Variants in MPPED1 observed in about 807,000 individuals in gnomAD.
MPPED1 encodes the protein metallophosphoesterase domain-containing protein 1.
MPPED1 carries 16 observed loss-of-function variants against 36.2 expected under a neutral mutation model. The ratio of observed to expected loss-of-function variants is 0.44; its 90% CI spans 0.30 to 0.67. The LOEUF is 0.67. MPPED1 is among the 30% of genes least tolerant of loss of function. The pLI is 0.10. For synonymous variants in MPPED1, 199 were observed against 191.3 expected (o/e 1.04, Z -0.33); for missense variants, 307 against 453.4 (o/e 0.68, Z 2.93).
rs143600181 is a variant in MPPED1 at position 43,420,069 on chromosome 22, C to G, written c.-78-4839C>G. On this transcript the variant is annotated intron_variant, in intron 1 of 6. Coordinates refer to ENST00000443721, the MANE Select transcript of MPPED1 (RefSeq NM_001044370.2). ...AGTCTCCCACTCTGGGTTCACTGGG[C>G]CTTTATGGGCAGGTACAAGGTTTGT... Among the ~76,000 whole-genome samples the G allele has an allele frequency of 2.0e-5, 3 of 152,222 alleles. No homozygotes were observed. The East Asian group carries it at 5.8e-4, about 29-fold the overall frequency.
chr22:43,502,632 C>T lies in MPPED1; in HGVS notation c.749-12C>T, dbSNP rs1226068826. On this transcript the variant is annotated splice_polypyrimidine_tract_variant and intron_variant, in intron 5 of 6. Transcript: ENST00000443721. The surrounding 1 kb of genome is among the most constrained non-coding windows in gnomAD (Gnocchi z 5.5). Reference sequence around the variant, plus strand: ...ACCGCGTCATGGCCTCCTGTTGTCTCCCCCATACCAGGCTTCCTGGACTGG... The same window carrying T: ...ACCGCGTCATGGCCTCCTGTTGTCTTCCCCATACCAGGCTTCCTGGACTGG... The T allele has an allele frequency of 6.2e-7, 1 of 1,609,604 alleles. No individual in the cohort carries two copies. Among genetic ancestry groups the T allele is most frequent in the Non-Finnish European group, 8.5e-7 (1 of 1,176,698 alleles).
intron 5 of MPPED1, among the ~76,000 whole-genome samples, chr22:43,498,759 C>A (rs905371018): frequency 1.8e-4 from 28 of 152,072 alleles, no homozygotes; most frequent in Non-Finnish European, 2.8e-4. Flanking sequence ...CCCAACATCC[C>A]CAGGGCCTGT....
intron 3 of MPPED1, among the ~76,000 whole-genome samples, chr22:43,464,198 C>T (rs970643610): frequency 3.9e-5 from 6 of 151,952 alleles, no homozygotes; most frequent in Admixed American, 6.6e-5. Context: ...TGTGAGCCAC[C>T]GCACCTGGCC....
rs1214942540 is a variant in MPPED1 at position 43,486,880 on chromosome 22, G to C, written c.633-11355G>C. Among the ~76,000 whole-genome samples the C allele has an allele frequency of 2.6e-5, 4 of 152,112 alleles. No homozygotes were observed. In the South Asian group the frequency reaches 6.2e-4, roughly 24 times the overall value. On this transcript the variant is annotated intron_variant, in intron 4 of 6. Coordinates refer to ENST00000443721, the MANE Select transcript of MPPED1 (RefSeq NM_001044370.2). ...GTCTCCGGTGCAGGTTCATGGGAGA[G>C]GGAGAGAGAATGGGACACTCAGCAG...
intron 3 of MPPED1, among the ~76,000 whole-genome samples, chr22:43,443,023 C>T (rs1930205576): frequency 1.3e-5 from 2 of 152,172 alleles, no homozygotes; most frequent in South Asian, 4.1e-4. Flanking sequence ...CAGGATTGTC[C>T]CTGCCTGGGT....
intron 4 of MPPED1, among the ~76,000 whole-genome samples, chr22:43,482,830 C>A (rs542135986): frequency 6.6e-6 from 1 of 152,356 alleles, no homozygotes; most frequent in East Asian, 1.9e-4. Flanking sequence ...CCTTTGACGT[C>A]CGTTCCTTCC....
At chr22:43,413,125 T>C (rs1928963384) in intron 1 of MPPED1, among the ~76,000 whole-genome samples, 1 of 152,162 alleles carries the variant, frequency 6.6e-6, no homozygotes, top group African/African-American at 2.4e-5. Context: ...GGCTCCCAGC[T>C]CCCCTCCCAG....
intron 3 of MPPED1, among the ~76,000 whole-genome samples, chr22:43,452,587 T>G (rs1018006011): frequency 6.6e-6 from 1 of 152,180 alleles, no homozygotes; most frequent in Non-Finnish European, 1.5e-5. Flanking sequence ...ATCCTAACAT[T>G]CAAAATGTTT....
intron 4 of MPPED1, among the ~76,000 whole-genome samples, chr22:43,490,612 G>A (rs1304192545): frequency 5.9e-5 from 9 of 152,126 alleles, no homozygotes; most frequent in Admixed American, 3.3e-4. Flanking sequence ...CGTGGCTCTC[G>A]GGAACCAACA....
chr22:43,418,489 C>CCT, intron 1 of MPPED1: 2 of 242,572 alleles, frequency 8.2e-6, no homozygotes, highest in Non-Finnish European at 1.7e-5. Flanking sequence ...TGAGCCAAGG[C>CCT]CTCTCTCTCT....
At chr22:43,465,686 G>A (rs1007724230) in intron 3 of MPPED1, among the ~76,000 whole-genome samples, 1 of 152,234 alleles carries the variant, frequency 6.6e-6, no homozygotes, top group Non-Finnish European at 1.5e-5. Flanking sequence ...CTCTTGGAAG[G>A]TGTCTTGGAG....
At chr22:43,418,213 G>A in intron 1 of MPPED1, 1 of 455,096 alleles carries the variant, frequency 2.2e-6, no homozygotes, top group African/African-American at 2.0e-5. Context: ...AGCCGGAGAG[G>A]ATGCTGGTAA....
intron 3 of MPPED1, among the ~76,000 whole-genome samples, chr22:43,467,507 C>T (rs551833789): frequency 2.0e-5 from 3 of 152,324 alleles, no homozygotes; most frequent in East Asian, 3.9e-4. Flanking sequence ...CCATTCCTGG[C>T]GTTCATGCAC....
chr22:43,447,883 ATTTTTT>A (rs776108565), intron 3 of MPPED1, among the ~76,000 whole-genome samples: 1 of 67,706 alleles, frequency 1.5e-5, no homozygotes, highest in African/African-American at 6.7e-5. Flanking sequence ...ATATATATAT[ATTTTTT>A]TTTTTTTTAG....
At position 43,464,291 on chromosome 22, in the gene MPPED1, C is replaced by CTGTGTG. The variant is rs60119589; in HGVS notation, c.407-10406_407-10401dup. Among the ~76,000 whole-genome samples the CTGTGTG allele has an allele frequency of 5.5e-3, 797 of 143,894 alleles. 3 individuals are homozygous for CTGTGTG. Among genetic ancestry groups the CTGTGTG allele is most frequent in the Middle Eastern group, 0.014 (4 of 278 alleles). 94.4% of individuals were successfully genotyped at this position (143,894 alleles called of 152,430 possible). On this transcript the variant is annotated intron_variant, in intron 3 of 6. Transcript: ENST00000443721. ...AACATCTGAAAGCTGTTGGTCAGCTCTGTGTGTGTGTGTGTGTGTGTGTGT... is the reference window on the plus strand; with the variant it reads ...AACATCTGAAAGCTGTTGGTCAGCTCTGTGTGTGTGTGTGTGTGTGTGTGTGTGTGT...
intron 1 of MPPED1, chr22:43,417,794 G>A (rs535817452): frequency 3.9e-4 from 110 of 284,152 alleles, no homozygotes; most frequent in South Asian, 3.1e-3. Context: ...CTGAAGACAG[G>A]CAGCTGCACT....
chr22:43,466,628 A>G (rs1931180824), intron 3 of MPPED1, among the ~76,000 whole-genome samples: 1 of 141,116 alleles, frequency 7.1e-6, no homozygotes. Flanking sequence ...GTTCCTAGAT[A>G]CAGCAAATAA....
At chr22:43,494,705 T>TGGA in intron 4 of MPPED1, among the ~76,000 whole-genome samples, 4 of 143,556 alleles carry the variant, frequency 2.8e-5, no homozygotes, top group African/African-American at 1.0e-4. Context: ...GTGGTGGTGG[T>TGGA]GGTGGTGGTG....
In MPPED1 at chr22:43,481,869, G is replaced by A. The variant is rs1941480143; in HGVS notation, c.632+6908G>A. 2.0e-5 allele frequency among the ~76,000 whole-genome samples: 3 copies of A among 152,146 alleles called. 1 individual carries two copies. The South Asian group carries it at 6.2e-4, about 32-fold the overall frequency. On this transcript the variant is annotated intron_variant, in intron 4 of 6. Transcript: ENST00000443721. The stretch of plus-strand genomic sequence containing the variant: ...ACAGCATCATCACTAATGGGGGCAG[G>A]GCCATAACCACCGCTGTGCCCTGCA...
Sources: allele counts gnomAD v4.1 joint callset (sites outside exome capture counted in the v4.1 genomes callset), GRCh38; gene constraint gnomAD v4.1.1; non-coding constraint Gnocchi (gnomAD v3.1); transcripts MANE v1.5; gene names NCBI Gene and HGNC (gene_info 2026-07-23, HGNC 2026-07-21).